ITGBL1: variants seen among roughly 807,000 people sequenced by gnomAD.
ITGBL1 encodes the protein integrin beta-like protein 1.
A neutral mutation model predicts 68.5 loss-of-function variants in ITGBL1; 51 were observed. The ratio of observed to expected loss-of-function variants is 0.74; its 90% CI spans 0.59 to 0.94. The LOEUF (loss-of-function observed/expected upper bound fraction) is 0.94, where lower values mean the gene tolerates loss of function less well. Ranked by LOEUF, ITGBL1 falls within the 40% of genes least tolerant of loss-of-function variation. The pLI, the probability that ITGBL1 is intolerant of heterozygous loss-of-function variation, is 0.00. For missense variants in ITGBL1, 649 were observed against 647.4 expected (o/e 1.00, Z -0.03); for synonymous variants, 209 against 227.3 (o/e 0.92, Z 0.72).
intron 4 of ITGBL1, among the ~76,000 whole-genome samples, chr13:101,577,438 G>T (rs997614794): frequency 5.3e-5 from 8 of 152,200 alleles, no homozygotes; most frequent in Non-Finnish European, 1.0e-4. Context: ...GTGGATATTT[G>T]TTTAATTTTC....
intron 2 of ITGBL1, among the ~76,000 whole-genome samples, chr13:101,462,624 C>T (rs547565560): frequency 7.2e-5 from 11 of 152,118 alleles, no homozygotes; most frequent in African/African-American, 2.4e-4. Context: ...GCTGTGTTGC[C>T]GAGGCTGGAG....
intron 7 of ITGBL1, among the ~76,000 whole-genome samples, chr13:101,645,370 T>G (rs1335031238): frequency 6.6e-6 from 1 of 152,190 alleles, no homozygotes; most frequent in Non-Finnish European, 1.5e-5. Context: ...GCCCACTCAG[T>G]GGCTTCTGTT....
chr13:101,566,268 CAA>C (rs2050181733), intron 2 of ITGBL1, among the ~76,000 whole-genome samples: 1 of 152,066 alleles, frequency 6.6e-6, no homozygotes, highest in African/African-American at 2.4e-5. Flanking sequence ...GTTGATTTAT[CAA>C]AGAGCCTTAA....
At chr13:101,673,191 T>C (rs1044343961) in intron 7 of ITGBL1, among the ~76,000 whole-genome samples, 1 of 152,206 alleles carries the variant, frequency 6.6e-6, no homozygotes, top group Admixed American at 6.5e-5. Flanking sequence ...TCCTTGCTTG[T>C]GCCTACCTTT....
At chr13:101,631,701 A>G (rs1412095828) in intron 7 of ITGBL1, among the ~76,000 whole-genome samples, 1 of 152,162 alleles carries the variant, frequency 6.6e-6, no homozygotes, top group Non-Finnish European at 1.5e-5. Context: ...TTTTTTGTGT[A>G]TCATGAAAAT....
intron 7 of ITGBL1, among the ~76,000 whole-genome samples, chr13:101,624,861 G>A (rs1033419118): frequency 6.6e-6 from 1 of 151,450 alleles, no homozygotes; most frequent in African/African-American, 2.4e-5. Context: ...TTTTCGTAGG[G>A]GGTGGAGAAA....
At chr13:101,634,548 T>G (rs2032101920) in intron 7 of ITGBL1, among the ~76,000 whole-genome samples, 1 of 152,180 alleles carries the variant, frequency 6.6e-6, no homozygotes, top group African/African-American at 2.4e-5. Flanking sequence ...AGATGTTATA[T>G]AAAGAAAGTT....
intron 2 of ITGBL1, among the ~76,000 whole-genome samples, chr13:101,558,155 G>A (rs942166794): frequency 1.5e-5 from 2 of 133,570 alleles, no homozygotes; most frequent in Admixed American, 7.6e-5. Context: ...GGAAACTAAA[G>A]CAAGGATTAC....
At chr13:101,633,978 A>G (rs1431982867) in intron 7 of ITGBL1, among the ~76,000 whole-genome samples, 2 of 151,066 alleles carry the variant, frequency 1.3e-5, no homozygotes, top group African/African-American at 4.9e-5. Flanking sequence ...TGGTGTGATG[A>G]TGCATAAAAT....
chr13:101,576,956 A>ATG, intron 4 of ITGBL1, among the ~76,000 whole-genome samples: 1 of 142,946 alleles, frequency 7.0e-6, no homozygotes, highest in South Asian at 2.2e-4. Flanking sequence ...ATAGATGGAA[A>ATG]AAAAAAAAAA....
downstream of ITGBL1, chr13:101,720,608 T>TA (rs1319421002): frequency 6.6e-6 from 1 of 151,776 alleles, no homozygotes; most frequent in Non-Finnish European, 1.5e-5. Flanking sequence ...CTGCTGTAAG[T>TA]AGTGTCCATA....
At chr13:101,525,880 TGTG>T (rs2049368090) in intron 2 of ITGBL1, among the ~76,000 whole-genome samples, 3 of 152,192 alleles carry the variant, frequency 2.0e-5, no homozygotes, top group South Asian at 4.1e-4. Context: ...GGTTTTGATA[TGTG>T]GTACCTCAAG....
In ITGBL1 at chr13:101,706,180, C is replaced by A. The variant is rs529302669; in HGVS notation, c.1133-576C>A. Among the ~76,000 whole-genome samples, 61 of 152,152 alleles carry A rather than the reference C, an allele frequency of 4.0e-4. 1 individual carries two copies. Among genetic ancestry groups the A allele is most frequent in the Admixed American group, 4.6e-4 (7 of 15,286 alleles). ...CAGGAACCAAACCAAAAAAAATGTG[C>A]CAAACATGAATCCAAGCTAATGTTA... is the stretch of plus-strand genomic sequence containing the variant. On this transcript the variant is annotated intron_variant, in intron 8 of 10. Transcript: ENST00000376180.
At chr13:101,509,127 G>A (rs573775353) in intron 2 of ITGBL1, among the ~76,000 whole-genome samples, 1 of 152,254 alleles carries the variant, frequency 6.6e-6, no homozygotes, top group Non-Finnish European at 1.5e-5. Context: ...TGGCTGGGGA[G>A]GCCTCACAAT....
chr13:101,476,288 T>C (rs912495703), intron 2 of ITGBL1, among the ~76,000 whole-genome samples: 1 of 152,102 alleles, frequency 6.6e-6, no homozygotes, highest in Non-Finnish European at 1.5e-5. Flanking sequence ...TAATGAATTA[T>C]AAGATATTAT....
intron 7 of ITGBL1, among the ~76,000 whole-genome samples, chr13:101,629,745 G>A (rs1184922289): frequency 2.6e-5 from 4 of 151,920 alleles, no homozygotes; most frequent in African/African-American, 9.7e-5. Context: ...CCTTAAATCC[G>A]ACTACTATAG....
intron 7 of ITGBL1, among the ~76,000 whole-genome samples, chr13:101,660,290 A>C (rs758512560): frequency 4.6e-5 from 7 of 151,998 alleles, no homozygotes; most frequent in Non-Finnish European, 7.4e-5. Flanking sequence ...GGGAGTGCTG[A>C]TTGGTTGGGT....
At chr13:101,477,935 T>A (rs1278301106) in intron 2 of ITGBL1, among the ~76,000 whole-genome samples, 1 of 151,960 alleles carries the variant, frequency 6.6e-6, no homozygotes, top group African/African-American at 2.4e-5. Context: ...GATCCTACTT[T>A]AACTATTTCA....
At chr13:101,574,258 T>TGTATACCTTAATCC (rs57884721) in intron 3 of ITGBL1, among the ~76,000 whole-genome samples, 1 of 151,980 alleles carries the variant, frequency 6.6e-6, no homozygotes, top group Non-Finnish European at 1.5e-5. Context: ...CATGCTGTTC[T>TGTATACCTTAATCC]CATGTGGTGT....
Sources: allele counts gnomAD v4.1 joint callset (sites outside exome capture counted in the v4.1 genomes callset), GRCh38; gene constraint gnomAD v4.1.1; transcripts MANE v1.5; gene names NCBI Gene and HGNC (gene_info 2026-07-23, HGNC 2026-07-21).